DPP6: variants seen among roughly 807,000 people sequenced by gnomAD.
DPP6 encodes A-type potassium channel modulatory protein DPP6.
Under a neutral mutation model 122.6 loss-of-function variants are expected in DPP6, and 69 were observed. The observed-to-expected ratio is 0.56, with a 90% CI of 0.46 to 0.69. DPP6 has a LOEUF of 0.69. Ranked by LOEUF, DPP6 falls within the 30% of genes least tolerant of loss-of-function variation. The pLI is 0.00. For missense variants in DPP6, 928 were observed against 1,116.9 expected (o/e 0.83, Z 2.41); for synonymous variants, 418 against 433.1 (o/e 0.97, Z 0.43).
intron 1 of DPP6, among the ~76,000 whole-genome samples, chr7:154,300,047 A>G (rs956608430): frequency 1.3e-5 from 2 of 152,210 alleles, no homozygotes; most frequent in African/African-American, 4.8e-5. Flanking sequence ...CACAGGACTG[A>G]TTGCGCCTCA....
At chr7:154,882,684 C>T (rs1303137185) in intron 21 of DPP6, among the ~76,000 whole-genome samples, 1 of 151,354 alleles carries the variant, frequency 6.6e-6, no homozygotes, top group African/African-American at 2.4e-5. Context: ...CGAAAATCCC[C>T]CCTGCAGAAG....
rs560912715 is a variant in DPP6, at chr7:154,301,764, C to T, written c.244-144450C>T. Among the ~76,000 whole-genome samples the T allele has an allele frequency of 1.4e-4, 20 of 144,700 alleles. No individual in the cohort carries two copies. In the East Asian group the frequency reaches 3.0e-3, roughly 22 times the overall value. The allele number at this position is 144,700 out of a possible 152,430, so 94.9% of individuals were successfully genotyped here. A position where few individuals can be genotyped will look rare whatever the true frequency, so the allele number is the denominator to read the frequency against. ...CAGTCCTATTTCATTATGGTAAGAA[C>T]ACTTAATACAAGATCTGCCCTCTTT... On this transcript the variant is annotated intron_variant, in intron 1 of 25. Coordinates refer to ENST00000377770, the MANE Select transcript of DPP6 (RefSeq NM_130797.4).
At chr7:154,410,859 G>A (rs1036887421) in intron 1 of DPP6, among the ~76,000 whole-genome samples, 50 of 152,264 alleles carry the variant, frequency 3.3e-4, no homozygotes, top group African/African-American at 1.2e-3. Context: ...TTAACACATG[G>A]AAAAACATAT....
intron 16 of DPP6, among the ~76,000 whole-genome samples, chr7:154,822,733 C>T (rs113295090): frequency 6.6e-6 from 1 of 152,152 alleles, no homozygotes; most frequent in Non-Finnish European, 1.5e-5. Flanking sequence ...CTCTCAAAGG[C>T]CCCACCCTAA....
chr7:154,140,698 A>C (rs915453584), intron 1 of DPP6, among the ~76,000 whole-genome samples: 1 of 152,234 alleles, frequency 6.6e-6, no homozygotes, highest in African/African-American at 2.4e-5. Context: ...TTATATACCT[A>C]ACATGATCTA....
In DPP6 at chr7:154,479,570, AAAAAG is replaced by A. The variant is rs1554563519; in HGVS notation, c.457+4548_457+4552del. 4.9e-3 allele frequency among the ~76,000 whole-genome samples: 501 copies of A among 101,578 alleles called. 3 individuals are homozygous for A. The highest frequency in any genetic ancestry group is 7.1e-3 in the Non-Finnish European group (315 of 44,444). The allele number at this position is 101,578 out of a possible 152,430, so 66.6% of individuals were successfully genotyped here. A position where few individuals can be genotyped will look rare whatever the true frequency, so the allele number is the denominator to read the frequency against. Reference sequence around the variant, plus strand: ...AAGACTCCATCTCAAAAAAAAAAAAAAAAAGAAAAGAAAAGAAAAAGAAAAGGCTC... The same window carrying A: ...AAGACTCCATCTCAAAAAAAAAAAAAAAAAGAAAAGAAAAAGAAAAGGCTC... On this transcript the variant is annotated intron_variant, in intron 3 of 25. Coordinates refer to ENST00000377770, the MANE Select transcript of DPP6 (RefSeq NM_130797.4).
chr7:153,992,981 C>G (rs968637615), intron 1 of DPP6, among the ~76,000 whole-genome samples: 8 of 152,010 alleles, frequency 5.3e-5, no homozygotes, highest in Admixed American at 2.6e-4. Context: ...GCTCTCTCCC[C>G]CTACCTCCTC....
the DPP6 span, among the ~76,000 whole-genome samples, chr7:153,790,641 C>G: frequency 6.6e-6 from 1 of 152,222 alleles, no homozygotes; most frequent in African/African-American, 2.4e-5. Flanking sequence ...TTAGTCCTTC[C>G]TCATAATCGT....
intron 1 of DPP6, among the ~76,000 whole-genome samples, chr7:153,946,605 G>A (rs1411767028): frequency 6.6e-6 from 1 of 152,030 alleles, no homozygotes; most frequent in East Asian, 1.9e-4. Flanking sequence ...GTGACTAAGA[G>A]CACCTAACCT....
chr7:154,250,846 C>T (rs966525948), intron 1 of DPP6, among the ~76,000 whole-genome samples: 4 of 152,188 alleles, frequency 2.6e-5, no homozygotes, highest in African/African-American at 9.7e-5. Context: ...CCTGGAGGCA[C>T]ATAGGCTAGT....
At chr7:154,454,664 G>A (rs990786502) in intron 2 of DPP6, among the ~76,000 whole-genome samples, 10 of 152,196 alleles carry the variant, frequency 6.6e-5, no homozygotes, top group East Asian at 1.9e-4. Context: ...AGCCTGGAGC[G>A]CACAGGGCCT....
intron 3 of DPP6, 52 bp downstream of exon 3, chr7:154,475,089 C>G (rs774870024): frequency 7.4e-7 from 1 of 1,352,402 alleles, no homozygotes; most frequent in South Asian, 1.2e-5. Context: ...GCCTCACCCC[C>G]ACTTTCAATA....
intron 1 of DPP6, among the ~76,000 whole-genome samples, chr7:154,332,938 G>T (rs774546485): frequency 6.6e-6 from 1 of 152,120 alleles, no homozygotes; most frequent in South Asian, 2.1e-4. Context: ...TCTTATCTGG[G>T]TCTTGGGCAC....
chr7:154,734,835 A>C (rs1351200606), intron 8 of DPP6, among the ~76,000 whole-genome samples: 1 of 152,240 alleles, frequency 6.6e-6, no homozygotes, highest in Non-Finnish European at 1.5e-5. Context: ...TCTGCAAAAC[A>C]AAGATAACAG....
At chr7:154,293,527 C>A (rs965680995) in intron 1 of DPP6, among the ~76,000 whole-genome samples, 1 of 152,214 alleles carries the variant, frequency 6.6e-6, no homozygotes, top group African/African-American at 2.4e-5. Context: ...TTCATCCTGG[C>A]AGCCTAGGAA....
chr7:154,491,636 C>T (rs917490511), intron 3 of DPP6, among the ~76,000 whole-genome samples: 2 of 152,142 alleles, frequency 1.3e-5, no homozygotes, highest in African/African-American at 2.4e-5. Flanking sequence ...CCACCTTATC[C>T]CATCGCCATC....
At position 154,833,371 on chromosome 7, in the gene DPP6, T is replaced by C. The variant is rs1017254802; in HGVS notation, c.1667-20409T>C. On this transcript the variant is annotated intron_variant, in intron 16 of 25. Coordinates refer to ENST00000377770, the MANE Select transcript of DPP6 (RefSeq NM_130797.4). The surrounding 1 kb of genome is among the most constrained non-coding windows in gnomAD (Gnocchi z 4.3). The stretch of plus-strand genomic sequence containing the variant: ...AGGAGTGTTTGGTAACTGGTAAAAA[T>C]GGGGTGTGGGGAGGAAAAGGCAGAC... Among the ~76,000 whole-genome samples, 1 of 152,012 alleles carries C rather than the reference T, an allele frequency of 6.6e-6. No homozygotes were observed. Among genetic ancestry groups the C allele is most frequent in the Non-Finnish European group, 1.5e-5 (1 of 67,988 alleles).
At chr7:154,871,365 A>G (rs1804384315) in intron 18 of DPP6, among the ~76,000 whole-genome samples, 1 of 152,222 alleles carries the variant, frequency 6.6e-6, no homozygotes, top group Non-Finnish European at 1.5e-5. Context: ...TGAGCCCAGC[A>G]TCAGGAAGAC....
At chr7:154,402,512 A>C (rs1815711851) in intron 1 of DPP6, among the ~76,000 whole-genome samples, 1 of 148,880 alleles carries the variant, frequency 6.7e-6, no homozygotes, top group African/African-American at 2.5e-5. Flanking sequence ...AAAACCAAAC[A>C]CCGCATATTC....
Sources: gnomAD v4.1 joint callset for allele counts (sites outside exome capture counted in the v4.1 genomes callset) on GRCh38, gnomAD v4.1.1 for gene constraint, Gnocchi (gnomAD v3.1) non-coding constraint, MANE v1.5 for transcripts, NCBI Gene and HGNC (gene_info 2026-07-23, HGNC 2026-07-21) for gene names.